The following BRD10 variants were observed in gnomAD, a reference collection of about 807,000 sequenced individuals.
BRD10 encodes the protein bromodomain containing 10.
At chr9:5,913,419 T>C in the BRD10 span, among the ~76,000 whole-genome samples, 1 of 152,200 alleles carries the variant, frequency 6.6e-6, no homozygotes, top group African/African-American at 2.4e-5. Context: ...AAAAACATCT[T>C]TAAAGTGTCT....
chr9:5,891,707 A>ATAGTT, the BRD10 span, among the ~76,000 whole-genome samples: 1 of 152,204 alleles, frequency 6.6e-6, no homozygotes, highest in African/African-American at 2.4e-5. Flanking sequence ...TGTATGTGTT[A>ATAGTT]TAGTTAGAAA....
chr9:5,888,125 T>G, the BRD10 span, among the ~76,000 whole-genome samples: 4 of 152,202 alleles, frequency 2.6e-5, no homozygotes. Context: ...AATCTAAGTC[T>G]TGAGCTGCTA....
At chr9:5,897,141 C>T in the BRD10 span, among the ~76,000 whole-genome samples, 5 of 152,190 alleles carry the variant, frequency 3.3e-5, no homozygotes, top group East Asian at 9.6e-4. Flanking sequence ...CAGCACCTGG[C>T]TTTTAGTAGA....
chr9:5,936,761 G>T, the BRD10 span, among the ~76,000 whole-genome samples: 1 of 152,078 alleles, frequency 6.6e-6, no homozygotes, highest in Non-Finnish European at 1.5e-5. Flanking sequence ...AACTAAGAAT[G>T]ATGTAAAGCT....
At chr9:5,989,630 G>C in the BRD10 span, among the ~76,000 whole-genome samples, 1 of 150,864 alleles carries the variant, frequency 6.6e-6, no homozygotes, top group African/African-American at 2.4e-5. Context: ...CCTGGGCTCA[G>C]GTGATCCTCC....
At chr9:5,899,075 T>TAGCACTTC in the BRD10 span, 3 of 152,222 alleles carry the variant, frequency 2.0e-5, no homozygotes, top group Non-Finnish European at 2.9e-5. Flanking sequence ...TAAAGCCAGG[T>TAGCACTTC]AGCACTTCAG....
chr9:5,973,619 T>C, the BRD10 span, among the ~76,000 whole-genome samples: 3 of 152,286 alleles, frequency 2.0e-5, no homozygotes, highest in Non-Finnish European at 4.4e-5. Context: ...CTGGGTGTGG[T>C]GGCTCACACC....
the BRD10 span, among the ~76,000 whole-genome samples, chr9:6,005,720 T>C: frequency 6.6e-6 from 1 of 152,168 alleles, no homozygotes; most frequent in Admixed American, 6.5e-5. Context: ...AACTTCAAAA[T>C]AATAACGTGA....
At chr9:5,997,755 C>A in the BRD10 span, among the ~76,000 whole-genome samples, 1 of 152,180 alleles carries the variant, frequency 6.6e-6, no homozygotes, top group Non-Finnish European at 1.5e-5. Flanking sequence ...ATCCATCCAT[C>A]CATTCATTCA....
At chr9:5,893,682 T>C in the BRD10 span, among the ~76,000 whole-genome samples, 17 of 152,178 alleles carry the variant, frequency 1.1e-4, no homozygotes, top group African/African-American at 3.9e-4. Flanking sequence ...ACAGACTCTT[T>C]AAAATATACT....
At chr9:5,963,858 G>T in the BRD10 span, among the ~76,000 whole-genome samples, 1 of 151,662 alleles carries the variant, frequency 6.6e-6, no homozygotes, top group African/African-American at 2.4e-5. Flanking sequence ...CCATATGTAG[G>T]AAGCTGAAAC....
At chr9:5,975,220 G>T in the BRD10 span, among the ~76,000 whole-genome samples, 2 of 151,912 alleles carry the variant, frequency 1.3e-5, no homozygotes, top group African/African-American at 2.4e-5. Context: ...TGGATCACTT[G>T]ACGTCAGGAG....
the BRD10 span, chr9:5,968,416 A>G: frequency 0.96 from 1,546,185 of 1,612,566 alleles, 745,638 homozygotes; most frequent in Non-Finnish European, 0.99. Context: ...CACCTGGACT[A>G]AGAGGCTCTC....
chr9:5,964,465 A>T, the BRD10 span, among the ~76,000 whole-genome samples: 2 of 148,534 alleles, frequency 1.3e-5, no homozygotes, highest in Admixed American at 6.7e-5. Flanking sequence ...GTGGGACTGT[A>T]AACTAGTTCA....
At chr9:5,937,038 T>C in the BRD10 span, among the ~76,000 whole-genome samples, 1 of 151,682 alleles carries the variant, frequency 6.6e-6, no homozygotes, top group Non-Finnish European at 1.5e-5. Context: ...GACACCAGCC[T>C]GGCAAATATA....
At chr9:5,941,627 A>C in the BRD10 span, among the ~76,000 whole-genome samples, 1 of 152,206 alleles carries the variant, frequency 6.6e-6, no homozygotes, top group African/African-American at 2.4e-5. Context: ...ATTAACCATA[A>C]ACAAAATTAG....
At chr9:6,003,588 G>T in the BRD10 span, among the ~76,000 whole-genome samples, 1 of 152,056 alleles carries the variant, frequency 6.6e-6, no homozygotes, top group East Asian at 1.9e-4. Flanking sequence ...CTGTATTTTT[G>T]ATACTAAAAA....
chr9:5,939,602 T>C, the BRD10 span, among the ~76,000 whole-genome samples: 4 of 152,346 alleles, frequency 2.6e-5, no homozygotes, highest in East Asian at 7.7e-4. Flanking sequence ...GATCTGGTAT[T>C]ATGATTTCAG....
chr9:5,981,795 T>C, the BRD10 span, among the ~76,000 whole-genome samples: 1 of 152,196 alleles, frequency 6.6e-6, no homozygotes, highest in African/African-American at 2.4e-5. Flanking sequence ...CATGATGTAA[T>C]ACTATTACAT....
Sources: gnomAD v4.1 joint callset for allele counts (sites outside exome capture counted in the v4.1 genomes callset) on GRCh38, gnomAD v4.1.1 for gene constraint, MANE v1.5 for transcripts, NCBI Gene and HGNC (gene_info 2026-07-23, HGNC 2026-07-21) for gene names.